Variants in SHTN1 observed in about 807,000 individuals in gnomAD.
SHTN1 encodes shootin-1.
A neutral mutation model predicts 83.1 loss-of-function variants in SHTN1; 42 were observed. The ratio of observed to expected loss-of-function variants is 0.51; its 90% CI spans 0.39 to 0.65. The LOEUF is 0.65. Among genes scored for constraint, SHTN1 ranks in the 30% least tolerant of loss-of-function variants. The pLI, the probability that SHTN1 is intolerant of heterozygous loss-of-function variation, is 0.00. For synonymous variants in SHTN1, 224 were observed against 247.7 expected (o/e 0.90, Z 0.90); for missense variants, 622 against 737.8 (o/e 0.84, Z 1.82).
intron 2 of SHTN1, among the ~76,000 whole-genome samples, chr10:117,027,534 T>G (rs1442963685): frequency 1.3e-5 from 2 of 151,954 alleles, no homozygotes; most frequent in Non-Finnish European, 2.9e-5. Context: ...AGTCTCGTTC[T>G]GTAGCACAGG....
Position 116,881,922 on chromosome 10 carries a change from A to G in SHTN1, c.*4422T>C. The G allele has an allele frequency of 2.9e-6, 1 of 342,876 alleles. No individual in the cohort carries two copies. The highest frequency in any genetic ancestry group is 4.6e-5 in the East Asian group (1 of 21,922). The allele number at this position is 342,876 out of a possible 1,614,324, so 21.2% of individuals were successfully genotyped here. A position where few individuals can be genotyped will look rare whatever the true frequency, so the allele number is the denominator to read the frequency against. On this transcript the variant is annotated 3_prime_UTR_variant, in exon 17 of 17. Transcript: ENST00000355371. Reference sequence around the variant, plus strand: ...CTATTAGCTCTCCTGTCCATTTTTCAGGGACACGCTCCAGTAAAAGAGGCC... The same window carrying G: ...CTATTAGCTCTCCTGTCCATTTTTCGGGGACACGCTCCAGTAAAAGAGGCC...
intron 9 of SHTN1, among the ~76,000 whole-genome samples, chr10:116,939,205 C>A (rs753096504): frequency 3.3e-5 from 5 of 152,170 alleles, no homozygotes. Flanking sequence ...CCAGGTGCCA[C>A]TGGAGTATGA....
At chr10:117,107,691 C>T (rs965010491) in intron 1 of SHTN1, among the ~76,000 whole-genome samples, 3 of 152,172 alleles carry the variant, frequency 2.0e-5, no homozygotes, top group Non-Finnish European at 4.4e-5. Context: ...AGCCAAGTCT[C>T]AGGGAAACTC....
intron 15 of SHTN1, among the ~76,000 whole-genome samples, chr10:116,904,380 TA>T (rs1454314801): frequency 6.6e-6 from 1 of 151,972 alleles, no homozygotes. Flanking sequence ...TTGTACCACC[TA>T]AAAAATGGTA....
Position 116,881,908 on chromosome 10 carries a change from C to T in SHTN1, c.*4436G>A. The T allele has an allele frequency of 2.7e-6, 1 of 367,332 alleles. No homozygotes were observed. Among genetic ancestry groups the T allele is most frequent in the Admixed American group, 4.6e-5 (1 of 21,564 alleles). The allele number at this position is 367,332 out of a possible 1,614,324, so 22.8% of individuals were successfully genotyped here. ...TGGATTTTGTTTGTCTATTAGCTCTCCTGTCCATTTTTCAGGGACACGCTC... is the reference window on the plus strand; with the variant it reads ...TGGATTTTGTTTGTCTATTAGCTCTTCTGTCCATTTTTCAGGGACACGCTC... On this transcript the variant is annotated 3_prime_UTR_variant, in exon 17 of 17. Coordinates refer to ENST00000355371, the MANE Select transcript of SHTN1 (RefSeq NM_001127211.3).
At chr10:117,052,273 T>A (rs948808545) in intron 1 of SHTN1, among the ~76,000 whole-genome samples, 1 of 151,306 alleles carries the variant, frequency 6.6e-6, no homozygotes, top group Admixed American at 6.6e-5. Context: ...TAAAAGAAAA[T>A]TTTAAAACCT....
intron 1 of SHTN1, among the ~76,000 whole-genome samples, chr10:117,075,957 C>G (rs1042004614): frequency 7.2e-5 from 11 of 152,044 alleles, no homozygotes; most frequent in African/African-American, 2.7e-4. Context: ...CCAAGGTGAG[C>G]AGACCACTTG....
At chr10:117,023,125 A>T (rs1852286465) in intron 2 of SHTN1, among the ~76,000 whole-genome samples, 1 of 152,224 alleles carries the variant, frequency 6.6e-6, no homozygotes, top group South Asian at 2.1e-4. Context: ...GACATTCAAC[A>T]TTCAAGTGCC....
intron 1 of SHTN1, among the ~76,000 whole-genome samples, chr10:116,991,648 G>T (rs1227743012): frequency 6.6e-6 from 1 of 152,096 alleles, no homozygotes; most frequent in Non-Finnish European, 1.5e-5. Context: ...GAGGACAAAA[G>T]CACCAGGCCA....
chr10:117,046,799 G>A (rs1852669702), intron 2 of SHTN1, among the ~76,000 whole-genome samples: 1 of 152,144 alleles, frequency 6.6e-6, no homozygotes, highest in African/African-American at 2.4e-5. Context: ...AAATAGGACA[G>A]TCCATAGAGA....
chr10:116,996,023 G>A (rs1851615609), intron 1 of SHTN1, among the ~76,000 whole-genome samples: 1 of 152,132 alleles, frequency 6.6e-6, no homozygotes. Flanking sequence ...CAGCAAAGCA[G>A]ATTTTAAAAG....
chr10:117,006,219 T>A (rs995035068), upstream of SHTN1, among the ~76,000 whole-genome samples: 45 of 148,886 alleles, frequency 3.0e-4, no homozygotes, highest in Non-Finnish European at 5.9e-4. Flanking sequence ...AAGTCCAGAA[T>A]TTATAATGCA....
chr10:116,944,806 G>A (rs375916570), intron 8 of SHTN1, 118 bp downstream of exon 8: 14 of 682,630 alleles, frequency 2.1e-5, no homozygotes, highest in Admixed American at 1.1e-4. Flanking sequence ...CATGAGAATC[G>A]CTTGAATCAG....
In SHTN1 at chr10:116,886,412, C is replaced by T. The variant is rs368002468; in HGVS notation, c.1828G>A (p.Glu610Lys). ...TCTTCTTTGTTTTCTGGTTGAATTT[C>T]GCCTTCATCCTCCTTGTGTTGAGTT... ...DPTQHKEDEG[E>K]IQPENKEDSI... Residue 610 changes from glutamate to lysine, a missense_variant, in exon 17 of 17, where the codon GAA becomes AAA. By Grantham distance (56) the Glu-to-Lys change is moderately conservative (BLOSUM62 1). Transcript: ENST00000355371. The T allele has an allele frequency of 8.7e-5, 139 of 1,593,698 alleles. No individual in the cohort carries two copies. Among genetic ancestry groups the T allele is most frequent in the African/African-American group, 8.0e-4 (60 of 74,744 alleles).
intron 1 of SHTN1, among the ~76,000 whole-genome samples, chr10:117,125,774 C>A (rs529335888): frequency 1.3e-5 from 2 of 152,290 alleles, no homozygotes; most frequent in East Asian, 3.9e-4. Context: ...GCCAATAATG[C>A]TCCCACTCCA....
intron 2 of SHTN1, among the ~76,000 whole-genome samples, chr10:117,020,814 T>C (rs1852250113): frequency 6.6e-6 from 1 of 152,132 alleles, no homozygotes; most frequent in Admixed American, 6.6e-5. Flanking sequence ...TAAATTTGAC[T>C]GTAAAAATTA....
At chr10:116,986,475 A>C (rs1851220587) in intron 1 of SHTN1, among the ~76,000 whole-genome samples, 1 of 152,122 alleles carries the variant, frequency 6.6e-6, no homozygotes, top group African/African-American at 2.4e-5. Context: ...TAAAATGTCC[A>C]GGGGGACATA....
chr10:116,930,647 T>C (rs756105907), intron 9 of SHTN1, among the ~76,000 whole-genome samples: 28 of 152,192 alleles, frequency 1.8e-4, no homozygotes, highest in Non-Finnish European at 3.5e-4. Context: ...GGCATTGAGG[T>C]TGACTCCATG....
chr10:116,967,623 C>T (rs1395763704), intron 3 of SHTN1, among the ~76,000 whole-genome samples: 2 of 151,840 alleles, frequency 1.3e-5, no homozygotes, highest in South Asian at 2.1e-4. Flanking sequence ...CATCACGTAA[C>T]GTAAGATCTA....
Sources: gnomAD v4.1 joint callset for allele counts (sites outside exome capture counted in the v4.1 genomes callset) on GRCh38, gnomAD v4.1.1 for gene constraint, MANE v1.5 for transcripts, NCBI Gene and HGNC (gene_info 2026-07-23, HGNC 2026-07-21) for gene names.